NAV3: variants seen among roughly 807,000 people sequenced by gnomAD.
NAV3 encodes the protein pore membrane and/or filament interacting like protein 1.
NAV3 carries 87 observed loss-of-function variants against 244.7 expected under a neutral mutation model. The ratio of observed to expected loss-of-function variants is 0.36; its 90% confidence interval spans 0.30 to 0.42. The LOEUF (loss-of-function observed/expected upper bound fraction) is 0.42, where lower values mean the gene tolerates loss of function less well. NAV3 is among the 20% of genes least tolerant of loss of function. The pLI, the probability that NAV3 is intolerant of heterozygous loss-of-function variation, is 1.00. For synonymous variants in NAV3, 1,126 were observed against 1,042.2 expected (o/e 1.08, Z -1.55); for missense variants, 2,663 against 2,893.3 (o/e 0.92, Z 1.83).
At chr12:78,042,550 T>C (rs1881044489) in intron 9 of NAV3, among the ~76,000 whole-genome samples, 1 of 151,858 alleles carries the variant, frequency 6.6e-6, no homozygotes, top group Non-Finnish European at 1.5e-5. Context: ...CCCAGCACTT[T>C]GGGAGGCCAA....
At chr12:77,672,595 G>A (rs12314099) in intron 2 of NAV3, among the ~76,000 whole-genome samples, 8,057 of 151,812 alleles carry the variant, frequency 0.053, 506 homozygotes, top group African/African-American at 0.15. Flanking sequence ...TCCATGGTGC[G>A]TACACATATA....
At chr12:77,976,601 A>G (rs995595726) in intron 5 of NAV3, among the ~76,000 whole-genome samples, 2 of 151,214 alleles carry the variant, frequency 1.3e-5, no homozygotes, top group Admixed American at 1.3e-4. Context: ...ACATACATTT[A>G]CTGTCTCAAT....
intron 2 of NAV3, among the ~76,000 whole-genome samples, chr12:77,663,853 C>A (rs926964253): frequency 1.3e-5 from 2 of 152,100 alleles, no homozygotes; most frequent in African/African-American, 4.8e-5. Context: ...CATGAGTGAG[C>A]CAATATATGT....
At chr12:77,750,264 A>G (rs1409963778) in intron 2 of NAV3, among the ~76,000 whole-genome samples, 1 of 152,154 alleles carries the variant, frequency 6.6e-6, no homozygotes, top group South Asian at 2.1e-4. Context: ...GATGCAGGAG[A>G]ATCTTTTGAA....
chr12:77,613,777 T>C (rs1460483994), intron 2 of NAV3, among the ~76,000 whole-genome samples: 1 of 152,198 alleles, frequency 6.6e-6, no homozygotes, highest in Non-Finnish European at 1.5e-5. Context: ...TGAAGTTTTG[T>C]AACTTCCCTT....
At chr12:77,859,647 AAATC>A (rs1716951396) in intron 1 of NAV3, among the ~76,000 whole-genome samples, 1 of 151,502 alleles carries the variant, frequency 6.6e-6, no homozygotes, top group African/African-American at 2.4e-5. Flanking sequence ...GAAAAAAAAA[AAATC>A]AAAGTCCTTT....
intron 2 of NAV3, among the ~76,000 whole-genome samples, chr12:77,631,927 G>T (rs942690542): frequency 1.3e-5 from 2 of 152,148 alleles, no homozygotes; most frequent in Non-Finnish European, 2.9e-5. Context: ...CTGGCACATT[G>T]CAGGCACCCG....
intron 12 of NAV3, among the ~76,000 whole-genome samples, chr12:78,104,666 C>T (rs1226530819): frequency 6.6e-6 from 1 of 152,192 alleles, no homozygotes; most frequent in African/African-American, 2.4e-5. Context: ...TCGCTAGCTA[C>T]ATTTTTAATT....
intron 23 of NAV3, among the ~76,000 whole-genome samples, chr12:78,159,707 A>T (rs1201523373): frequency 1.3e-5 from 2 of 152,070 alleles, no homozygotes; most frequent in African/African-American, 2.4e-5. Flanking sequence ...ACTAAATTAA[A>T]ACAATGATAA....
At chr12:77,854,587 A>ATGTGTGTATGTG (rs573940741) in intron 1 of NAV3, among the ~76,000 whole-genome samples, 1 of 128,386 alleles carries the variant, frequency 7.8e-6, no homozygotes, top group Non-Finnish European at 1.8e-5. Flanking sequence ...GTATGTGTGT[A>ATGTGTGTATGTG]TGTGTGTGTG....
intron 8 of NAV3, among the ~76,000 whole-genome samples, chr12:78,008,582 C>T (rs558483800): frequency 6.9e-4 from 105 of 152,040 alleles, no homozygotes; most frequent in African/African-American, 2.5e-3. Context: ...AGGGTCAAAA[C>T]TATATAGTTT....
chr12:78,016,571 C>T (rs1876251688), intron 8 of NAV3, among the ~76,000 whole-genome samples: 1 of 152,094 alleles, frequency 6.6e-6, no homozygotes, highest in African/African-American at 2.4e-5. Context: ...TCTGCCTTTC[C>T]AGAATGAAGA....
intron 2 of NAV3, among the ~76,000 whole-genome samples, chr12:77,664,575 C>T (rs1236925133): frequency 6.6e-6 from 1 of 152,090 alleles, no homozygotes; most frequent in African/African-American, 2.4e-5. Context: ...CTGCTAAAGT[C>T]ACAGATGATA....
At position 78,190,192 on chromosome 12, in the gene NAV3, T is replaced by G. The variant is rs748021898; in HGVS notation, c.6264T>G (p.Thr2088=). The G allele has an allele frequency of 5.6e-6, 9 of 1,612,308 alleles. 1 individual carries two copies. Among genetic ancestry groups the G allele is most frequent in the Non-Finnish European group, 7.6e-6 (9 of 1,179,230 alleles). The change falls in exon 34 of 40, where the codon ACT becomes ACG. Residue 2088 remains threonine (T), a synonymous_variant. Coordinates refer to ENST00000397909, the MANE Select transcript of NAV3 (RefSeq NM_001024383.2). ...GRKKTEDAIA[T]FNVDHKSSKE... The stretch of plus-strand genomic sequence containing the variant: ...AAAAAACAGAGGATGCAATTGCCAC[T>G]TTTAATGTGGACCACAAGTCAAGTA...
At chr12:78,122,518 T>C in intron 16 of NAV3, 90 bp downstream of exon 16, 1 of 1,445,778 alleles carries the variant, frequency 6.9e-7, no homozygotes, top group African/African-American at 1.4e-5. Flanking sequence ...TTGATTTCAC[T>C]GTGAGTGCCC....
At chr12:77,596,427 G>A (rs1348321878) in intron 2 of NAV3, among the ~76,000 whole-genome samples, 1 of 151,932 alleles carries the variant, frequency 6.6e-6, no homozygotes, top group Non-Finnish European at 1.5e-5. Flanking sequence ...CTCATTAACA[G>A]TGACACAAAT....
At chr12:77,810,891 T>C (rs1247308649) in intron 2 of NAV3, among the ~76,000 whole-genome samples, 2 of 152,188 alleles carry the variant, frequency 1.3e-5, no homozygotes, top group African/African-American at 4.8e-5. Flanking sequence ...CTTATTTAAA[T>C]GCAAAAATAC....
At chr12:78,204,077 G>A (rs1960027826) in intron 38 of NAV3, among the ~76,000 whole-genome samples, 2 of 151,850 alleles carry the variant, frequency 1.3e-5, no homozygotes, top group Admixed American at 1.3e-4. Context: ...TCTTTTACTA[G>A]TGGCCTGAAA....
chr12:77,885,037 A>G (rs1439453027), intron 1 of NAV3, among the ~76,000 whole-genome samples: 1 of 152,140 alleles, frequency 6.6e-6, no homozygotes, highest in African/African-American at 2.4e-5. Flanking sequence ...GGAAGAGTCT[A>G]CATTCATGGA....
Sources: gnomAD v4.1 joint callset for allele counts (sites outside exome capture counted in the v4.1 genomes callset) on GRCh38, gnomAD v4.1.1 for gene constraint, MANE v1.5 for transcripts, NCBI Gene and HGNC (gene_info 2026-07-23, HGNC 2026-07-21) for gene names.